Variants in TPRG1 observed in about 807,000 individuals in gnomAD.
TPRG1 encodes the protein tumor protein p63-regulated gene 1 protein.
In TPRG1, 29 loss-of-function variants were observed where a neutral mutation model predicts 29.3. That is an observed-to-expected ratio of 0.99 (90% confidence interval 0.74 to 1.35). The LOEUF (loss-of-function observed/expected upper bound fraction) is 1.35, where lower values mean the gene tolerates loss of function less well. Among genes scored for constraint, TPRG1 ranks in the 40% most tolerant of loss-of-function variants. The pLI, the probability that TPRG1 is intolerant of heterozygous loss-of-function variation, is 0.00. For synonymous variants in TPRG1, 130 were observed against 116.8 expected (o/e 1.11, Z -0.73); for missense variants, 327 against 335.0 (o/e 0.98, Z 0.19).
chr3:189,250,848 T>C (rs535000288), intron 4 of TPRG1, among the ~76,000 whole-genome samples: 1 of 151,968 alleles, frequency 6.6e-6, no homozygotes, highest in South Asian at 2.1e-4. Context: ...TCCCTTGTGC[T>C]GTTTGACCTT....
chr3:189,089,846 C>G (rs1718219522), intron 4 of TPRG1, among the ~76,000 whole-genome samples: 1 of 152,076 alleles, frequency 6.6e-6, no homozygotes, highest in South Asian at 2.1e-4. Context: ...TTGGAGGGGA[C>G]AAACATTTAA....
chr3:189,196,076 C>T lies in TPRG1; in HGVS notation c.-9-11300C>T, dbSNP rs547129877. The stretch of plus-strand genomic sequence containing the variant: ...GCTTCATAGGCCAACAAAGCTTTCT[C>T]AGGGATTTGAGGCAGTTTAAGCAGA... On this transcript the variant is annotated intron_variant, in intron 1 of 5. Coordinates refer to ENST00000345063, the MANE Select transcript of TPRG1 (RefSeq NM_198485.4). Among the ~76,000 whole-genome samples the T allele has an allele frequency of 1.8e-4, 28 of 152,310 alleles. No homozygotes were observed. In the South Asian group the frequency reaches 5.8e-3, roughly 32 times the overall value.
intron 5 of TPRG1, among the ~76,000 whole-genome samples, chr3:189,314,553 CCAGA>C (rs1723184604): frequency 6.6e-6 from 1 of 152,110 alleles, no homozygotes; most frequent in Non-Finnish European, 1.5e-5. Context: ...TGGCCTTTTC[CCAGA>C]CAGTCTTGCT....
At chr3:189,235,590 T>C (rs1057083317) in intron 3 of TPRG1, among the ~76,000 whole-genome samples, 1 of 152,140 alleles carries the variant, frequency 6.6e-6, no homozygotes, top group Non-Finnish European at 1.5e-5. Context: ...AAAGACAGTC[T>C]TGATTGTTGT....
At chr3:189,265,603 C>A (rs1013392895) in intron 4 of TPRG1, among the ~76,000 whole-genome samples, 1 of 152,184 alleles carries the variant, frequency 6.6e-6, no homozygotes, top group Non-Finnish European at 1.5e-5. Context: ...TGCCTTGAAT[C>A]TAAGTCTGTC....
intron 4 of TPRG1, among the ~76,000 whole-genome samples, chr3:189,242,578 T>G (rs967309840): frequency 1.3e-5 from 2 of 152,180 alleles, no homozygotes; most frequent in African/African-American, 4.8e-5. Flanking sequence ...TCTGTTATTT[T>G]CATTTTTTAA....
chr3:189,292,458 GTCTC>G (rs1719178744), intron 4 of TPRG1, among the ~76,000 whole-genome samples: 1 of 151,860 alleles, frequency 6.6e-6, no homozygotes, highest in South Asian at 2.1e-4. Context: ...CAACTGCTTT[GTCTC>G]TCTGTTTTCA....
chr3:189,023,741 C>G (rs1030264428), intron 3 of TPRG1: 1 of 152,788 alleles, frequency 6.5e-6, no homozygotes. Flanking sequence ...TCTGGCCACT[C>G]TTTTCTAGGG....
intron 4 of TPRG1, among the ~76,000 whole-genome samples, chr3:189,092,219 A>C (rs1718382618): frequency 6.6e-6 from 1 of 152,200 alleles, no homozygotes; most frequent in Non-Finnish European, 1.5e-5. Context: ...CTCTAATAGC[A>C]ATATGCATAC....
chr3:189,208,185 G>A (rs903059955), intron 2 of TPRG1, among the ~76,000 whole-genome samples: 1 of 152,202 alleles, frequency 6.6e-6, no homozygotes, highest in Non-Finnish European at 1.5e-5. Flanking sequence ...TGTTAAAAAA[G>A]CAGTATTTTT....
At chr3:189,283,371 T>C (rs111478060) in intron 4 of TPRG1, among the ~76,000 whole-genome samples, 3 of 152,380 alleles carry the variant, frequency 2.0e-5, no homozygotes, top group African/African-American at 7.2e-5. Context: ...TCTCATGTTT[T>C]ATTCCAGTGT....
chr3:189,143,309 C>A (rs970214061), intron 3 of TPRG1, among the ~76,000 whole-genome samples: 3 of 152,148 alleles, frequency 2.0e-5, no homozygotes, highest in African/African-American at 7.2e-5. Flanking sequence ...AAGGATTTCT[C>A]CGAATGACAT....
intron 5 of TPRG1, among the ~76,000 whole-genome samples, chr3:189,318,100 G>A (rs964600187): frequency 6.6e-5 from 10 of 152,244 alleles, no homozygotes; most frequent in Admixed American, 2.0e-4. Context: ...GGTATTGGAC[G>A]GGCGTGCCCT....
intron 3 of TPRG1, among the ~76,000 whole-genome samples, chr3:189,144,754 G>A (rs1725023477): frequency 6.6e-6 from 1 of 152,206 alleles, no homozygotes; most frequent in Non-Finnish European, 1.5e-5. Flanking sequence ...CCATAAACAG[G>A]TTGTGTTAGA....
intron 3 of TPRG1, among the ~76,000 whole-genome samples, chr3:189,230,732 A>T (rs895702309): frequency 1.3e-5 from 2 of 152,134 alleles, no homozygotes; most frequent in Admixed American, 1.3e-4. Context: ...GTTCACCATT[A>T]TACCACTAGT....
chr3:189,084,629 TTAAC>T (rs1717815650), intron 4 of TPRG1, among the ~76,000 whole-genome samples: 1 of 152,250 alleles, frequency 6.6e-6, no homozygotes, highest in Non-Finnish European at 1.5e-5. Context: ...AAGCTATTCA[TTAAC>T]TAAGCTTTCT....
At chr3:189,214,840 G>A (rs1735784678) in intron 2 of TPRG1, among the ~76,000 whole-genome samples, 1 of 152,016 alleles carries the variant, frequency 6.6e-6, no homozygotes, top group Admixed American at 6.6e-5. Context: ...CAGAAAATGA[G>A]GTGAGGAGAC....
At chr3:189,111,358 A>T (rs756777335) in intron 1 of TPRG1, among the ~76,000 whole-genome samples, 64 of 152,086 alleles carry the variant, frequency 4.2e-4, no homozygotes, top group Non-Finnish European at 8.5e-4. Flanking sequence ...TGGTTTTAAA[A>T]TTTTAATTTT....
chr3:189,199,607 G>A (rs571791039), intron 1 of TPRG1, among the ~76,000 whole-genome samples: 9 of 152,262 alleles, frequency 5.9e-5, no homozygotes, highest in South Asian at 4.1e-4. Flanking sequence ...TTGGGAAGCC[G>A]AGGCAGGCGA....
Sources: allele counts gnomAD v4.1 joint callset (sites outside exome capture counted in the v4.1 genomes callset), GRCh38; gene constraint gnomAD v4.1.1; transcripts MANE v1.5; gene names NCBI Gene and HGNC (gene_info 2026-07-23, HGNC 2026-07-21).